Variants in PRELID3A observed in about 807,000 individuals in gnomAD.
PRELID3A encodes the protein PRELI domain containing 3A.
A neutral mutation model predicts 23.0 loss-of-function variants in PRELID3A; 27 were observed. The ratio of observed to expected loss-of-function variants is 1.17; its 90% CI spans 0.87 to 1.62. The LOEUF (loss-of-function observed/expected upper bound fraction) is 1.62. Among genes scored for constraint, PRELID3A ranks in the 40% most tolerant of loss-of-function variants. PRELID3A has a pLI of 0.00. For missense variants in PRELID3A, 231 were observed against 231.4 expected (o/e 1.00, Z 0.01); for synonymous variants, 87 against 86.4 (o/e 1.01, Z -0.04).
chr18:12,423,372 G>C (rs895288818), intron 3 of PRELID3A, among the ~76,000 whole-genome samples: 8 of 152,184 alleles, frequency 5.3e-5, no homozygotes, highest in Non-Finnish European at 8.8e-5. Context: ...AGAGGGCCGG[G>C]GGGATGTTGG....
intron 1 of PRELID3A, among the ~76,000 whole-genome samples, chr18:12,410,418 C>T (rs1333559902): frequency 1.3e-5 from 2 of 152,188 alleles, no homozygotes; most frequent in Non-Finnish European, 2.9e-5. Context: ...TGGAATGTGG[C>T]TGGCCGAGGA....
intron 1 of PRELID3A, 93 bp from the exon 2 acceptor site, chr18:12,420,232 C>T (rs1598859815): frequency 2.6e-5 from 39 of 1,485,066 alleles, no homozygotes; most frequent in Non-Finnish European, 3.1e-5. Flanking sequence ...GAGACTAGCG[C>T]GTTGCCCAGG....
intron 3 of PRELID3A, among the ~76,000 whole-genome samples, chr18:12,423,459 A>G (rs2030256260): frequency 6.6e-6 from 1 of 152,070 alleles, no homozygotes; most frequent in Non-Finnish European, 1.5e-5. Context: ...CTGGGGTGAG[A>G]CATGGGGAGT....
At chr18:12,415,281 A>G (rs2029909265) in intron 1 of PRELID3A, among the ~76,000 whole-genome samples, 1 of 148,832 alleles carries the variant, frequency 6.7e-6, no homozygotes, top group Admixed American at 6.8e-5. Flanking sequence ...TTGTTTTGAG[A>G]CAGGGTCTCA....
At chr18:12,424,915 C>T (rs1318578808) in intron 3 of PRELID3A, among the ~76,000 whole-genome samples, 1 of 151,762 alleles carries the variant, frequency 6.6e-6, no homozygotes, top group Non-Finnish European at 1.5e-5. Context: ...AGGCAGGTCA[C>T]CTGACTTCTC....
chr18:12,408,085 G>A, intron 1 of PRELID3A, 78 bp downstream of exon 1: 1 of 1,183,038 alleles, frequency 8.5e-7, no homozygotes, highest in Non-Finnish European at 1.1e-6. Flanking sequence ...AGCGGTCCAG[G>A]AAAGGCCGGA....
intron 6 of PRELID3A, among the ~76,000 whole-genome samples, chr18:12,430,627 A>G (rs2030550377): frequency 7.2e-6 from 1 of 138,804 alleles, no homozygotes; most frequent in African/African-American, 2.8e-5. Flanking sequence ...TGTGTATGTG[A>G]TGTGTATATG....
intron 3 of PRELID3A, among the ~76,000 whole-genome samples, chr18:12,422,560 T>C (rs1471518169): frequency 1.3e-5 from 2 of 152,146 alleles, no homozygotes; most frequent in East Asian, 1.9e-4. Context: ...GGTTTCACCA[T>C]GTTGGTCAGG....
rs987867594 is a variant in PRELID3A, at chr18:12,420,466, G to A, written c.174G>A (p.Glu58=). The A allele has an allele frequency of 3.7e-5, 58 of 1,559,446 alleles. No homozygotes were observed. The highest frequency in any genetic ancestry group is 4.8e-5 in the Non-Finnish European group (55 of 1,152,790). The change falls in exon 2 of 7, where the codon GAG becomes GAA. Residue 58 remains glutamate (E), a synonymous_variant. Coordinates refer to ENST00000440960, the MANE Select transcript of PRELID3A (RefSeq NM_001142405.2). The stretch of plus-strand genomic sequence containing the variant: ...ACAGCTTGCGCCTGCTCAGCACCGA[G>A]TGGGGGCTGCCCAGCCTCGTGAGAG... ...RLHSLRLLST[E]WGLPSLVRAI... is the part of the protein sequence containing the mutation.
chr18:12,420,262 C>T, intron 1 of PRELID3A, 63 bp from the exon 2 acceptor site: 3 of 1,523,238 alleles, frequency 2.0e-6, no homozygotes, highest in East Asian at 2.4e-5. Context: ...GGCTTTTCCT[C>T]CCCTTCACCC....
intron 1 of PRELID3A, 46 bp from the exon 2 acceptor site, chr18:12,420,278 GC>G (rs1168413349): frequency 1.1e-5 from 17 of 1,544,416 alleles, no homozygotes; most frequent in Non-Finnish European, 1.4e-5. Flanking sequence ...CACCCTTGCG[GC>G]CCCGGCCCCG....
At chr18:12,430,781 G>GTA (rs2030562891) in intron 6 of PRELID3A, among the ~76,000 whole-genome samples, 1 of 149,814 alleles carries the variant, frequency 6.7e-6, no homozygotes, top group Non-Finnish European at 1.5e-5. Context: ...GTGCATGCGT[G>GTA]TATGATGTGC....
chr18:12,420,510 C>A lies in PRELID3A; in HGVS notation c.201+17C>A. ...GTGAGAGCGGTGAGCGGGGCGGGGG[C>A]TGCGGCTCCGAACGCGCCCGACTCC... On this transcript the variant is annotated intron_variant, in intron 2 of 6. Coordinates refer to ENST00000440960, the MANE Select transcript of PRELID3A (RefSeq NM_001142405.2). 6.6e-7 allele frequency: 1 copy of A among 1,505,328 alleles called. No homozygotes were observed. The highest frequency in any genetic ancestry group is 8.9e-7 in the Non-Finnish European group (1 of 1,126,956). The allele number at this position is 1,505,328 out of a possible 1,614,324, so 93.2% of individuals were successfully genotyped here.
At chr18:12,415,421 A>C (rs1237823159) in intron 1 of PRELID3A, among the ~76,000 whole-genome samples, 6 of 151,748 alleles carry the variant, frequency 4.0e-5, no homozygotes, top group Non-Finnish European at 2.9e-5. Flanking sequence ...CACCATGCCC[A>C]GCTAATTTTT....
chr18:12,421,692 T>G, intron 3 of PRELID3A, 63 bp downstream of exon 3: 1 of 1,068,928 alleles, frequency 9.4e-7, no homozygotes, highest in South Asian at 1.3e-5. Context: ...CGTAAGGCCT[T>G]CGTTTAATTC....
At chr18:12,421,903 AC>A (rs1303127557) in intron 3 of PRELID3A, among the ~76,000 whole-genome samples, 2 of 151,968 alleles carry the variant, frequency 1.3e-5, no homozygotes, top group Admixed American at 1.3e-4. Context: ...CCCCTTGGGC[AC>A]CCCCCACAGG....
At chr18:12,416,300 TTGTTG>T (rs1169723248) in intron 1 of PRELID3A, among the ~76,000 whole-genome samples, 3 of 141,086 alleles carry the variant, frequency 2.1e-5, no homozygotes, top group African/African-American at 9.6e-5. Flanking sequence ...TTCTGGGTTT[TTGTTG>T]TTGTTGTTGT....
chr18:12,421,438 T>C (rs1224111519), intron 2 of PRELID3A, 102 bp from the exon 3 acceptor site: 2 of 786,022 alleles, frequency 2.5e-6, no homozygotes, highest in Non-Finnish European at 4.5e-6. Context: ...CATGATATCA[T>C]TTCTTGAATA....
At chr18:12,420,237 C>T in intron 1 of PRELID3A, 88 bp from the exon 2 acceptor site, 2 of 1,492,912 alleles carry the variant, frequency 1.3e-6, no homozygotes, top group Non-Finnish European at 1.8e-6. Flanking sequence ...TAGCGCGTTG[C>T]CCAGGCCTGG....
Sources: allele counts gnomAD v4.1 joint callset (sites outside exome capture counted in the v4.1 genomes callset), GRCh38; gene constraint gnomAD v4.1.1; transcripts MANE v1.5; gene names NCBI Gene and HGNC (gene_info 2026-07-23, HGNC 2026-07-21).